The following MTUS2 variants were observed in gnomAD, a reference collection of about 807,000 sequenced individuals.
MTUS2 encodes microtubule-associated tumor suppressor candidate 2.
MTUS2 carries 40 observed loss-of-function variants against 114.1 expected under a neutral mutation model. The ratio of observed to expected loss-of-function variants is 0.35; its 90% CI spans 0.27 to 0.46. The LOEUF (loss-of-function observed/expected upper bound fraction) is 0.46. MTUS2 is among the 20% of genes least tolerant of loss of function. The pLI is 1.00. For missense variants in MTUS2, 1,679 were observed against 1,705.4 expected (o/e 0.98, Z 0.27); for synonymous variants, 688 against 672.0 (o/e 1.02, Z -0.37).
At chr13:29,430,333 T>C (rs1876895753) in intron 8 of MTUS2, among the ~76,000 whole-genome samples, 2 of 152,180 alleles carry the variant, frequency 1.3e-5, no homozygotes, top group Admixed American at 1.3e-4. Context: ...TTTTACATTG[T>C]TTCCCTATTT....
At position 28,829,361 on chromosome 13, in the gene MTUS2, C is replaced by T. The variant is rs866604313; in HGVS notation, c.-316+8750C>T. 1.2e-4 allele frequency among the ~76,000 whole-genome samples: 18 copies of T among 151,748 alleles called. No individual in the cohort carries two copies. The South Asian group carries it at 3.8e-3, about 32-fold the overall frequency. ...GCCAACAAGGTGAAATGCTGTCTCT[C>T]CTAAAAGTACAAAAAAAAAAATTAG... is the stretch of plus-strand genomic sequence containing the variant. On this transcript the variant is annotated intron_variant, in intron 1 of 15. Transcript: ENST00000612955.
chr13:29,283,582 A>T (rs1381643956), intron 6 of MTUS2, among the ~76,000 whole-genome samples: 1 of 152,210 alleles, frequency 6.6e-6, no homozygotes, highest in Non-Finnish European at 1.5e-5. Flanking sequence ...GCTTTAGTGT[A>T]TCAGTGTCAC....
At chr13:29,391,185 G>C (rs887311429) in intron 8 of MTUS2, among the ~76,000 whole-genome samples, 2 of 152,086 alleles carry the variant, frequency 1.3e-5, no homozygotes, top group African/African-American at 4.8e-5. Flanking sequence ...CATGTCCCGG[G>C]TTCAAGTGAT....
chr13:28,887,419 G>A (rs970305173), intron 2 of MTUS2, among the ~76,000 whole-genome samples: 2 of 152,218 alleles, frequency 1.3e-5, no homozygotes, highest in Admixed American at 1.3e-4. Flanking sequence ...GTGAGAGTCT[G>A]CTCTGTGGCA....
chr13:28,962,834 T>TGTG (rs1425745614), intron 2 of MTUS2, among the ~76,000 whole-genome samples: 1 of 152,116 alleles, frequency 6.6e-6, no homozygotes, highest in Non-Finnish European at 1.5e-5. Context: ...ACTGAGTCTG[T>TGTG]GTGGTGCAGT....
At chr13:29,377,952 G>A (rs3125709) in intron 8 of MTUS2, among the ~76,000 whole-genome samples, 147,083 of 152,308 alleles carry the variant, frequency 0.97, 71,233 homozygotes, top group East Asian at 1. Flanking sequence ...ACAAAGAATG[G>A]GCTGTTGGTA....
chr13:28,844,821 G>A (rs1875758225), intron 2 of MTUS2, among the ~76,000 whole-genome samples: 1 of 152,178 alleles, frequency 6.6e-6, no homozygotes, highest in African/African-American at 2.4e-5. Context: ...TTTCACCCAT[G>A]TTGCCCAGGG....
Position 29,026,391 on chromosome 13 carries a change from G to A in MTUS2, c.1693G>A (p.Ala565Thr), listed in dbSNP as rs777823065. The A allele has an allele frequency of 6.2e-7, 1 of 1,613,900 alleles. No homozygotes were observed. The highest frequency in any genetic ancestry group is 1.1e-5 in the South Asian group (1 of 91,070). The stretch of plus-strand genomic sequence containing the variant: ...GGATGTTAGCGTGTTCGGTATGGAT[G>A]CGGGGTCCCCCTTGGTAGTTCCACC... ...FQDVSVFGMD[A>T]GSPLVVPPPT... Residue 565 changes from alanine (A) to threonine (T), a missense_variant, in exon 3 of 16, where the codon GCG becomes ACG. By Grantham distance (58) the Ala-to-Thr change is moderately conservative. This residue lies in a region of MTUS2 where 843 missense variants were observed against 770.8 expected (regional missense o/e 1.09). Transcript: ENST00000612955.
chr13:28,845,145 GA>G (rs1475199470), intron 2 of MTUS2, among the ~76,000 whole-genome samples: 1 of 151,860 alleles, frequency 6.6e-6, no homozygotes, highest in Admixed American at 6.6e-5. Context: ...AATTTTTGTA[GA>G]GATGGCATCT....
intron 2 of MTUS2, among the ~76,000 whole-genome samples, chr13:29,002,844 A>AAATATGCT (rs2138389334): frequency 6.6e-6 from 1 of 152,362 alleles, no homozygotes; most frequent in African/African-American, 2.4e-5. Context: ...ATTGGCTCTT[A>AAATATGCT]AATATGCTTC....
Position 29,433,615 on chromosome 13 carries a change from A to G in MTUS2, c.3118-6368A>G, listed in dbSNP as rs190477215. On this transcript the variant is annotated intron_variant, in intron 8 of 15. Coordinates refer to ENST00000612955, the MANE Select transcript of MTUS2 (RefSeq NM_001033602.4). ...TATGGATCTGGCCAATCTTCATAGT[A>G]TTAGTATTGAAAACGAGTGCGATAG... Among the ~76,000 whole-genome samples the G allele has an allele frequency of 1.8e-3, 276 of 152,360 alleles. 1 individual carries two copies. Among genetic ancestry groups the G allele is most frequent in the Non-Finnish European group, 3.4e-3 (232 of 68,030 alleles).
intron 5 of MTUS2, among the ~76,000 whole-genome samples, chr13:29,110,552 A>G (rs889241693): frequency 1.5e-4 from 23 of 152,348 alleles, no homozygotes; most frequent in Admixed American, 1.3e-3. Context: ...TACAAGAAAA[A>G]AAATGGAATC....
intron 5 of MTUS2, among the ~76,000 whole-genome samples, chr13:29,169,376 A>G (rs999544842): frequency 1.3e-5 from 2 of 152,166 alleles, no homozygotes; most frequent in African/African-American, 4.8e-5. Flanking sequence ...AAAAATAAAA[A>G]ATATAGTTGT....
At chr13:29,167,897 T>C (rs1053831343) in intron 5 of MTUS2, among the ~76,000 whole-genome samples, 16 of 152,320 alleles carry the variant, frequency 1.1e-4, no homozygotes, top group Admixed American at 9.1e-4. Flanking sequence ...ATTATTCATG[T>C]ATGCATAATA....
intron 2 of MTUS2, among the ~76,000 whole-genome samples, chr13:28,881,670 C>A (rs746110095): frequency 8.5e-5 from 13 of 152,098 alleles, no homozygotes; most frequent in Non-Finnish European, 1.5e-5. Flanking sequence ...AATAGCCATT[C>A]TGACTATTTA....
chr13:29,253,626 G>T (rs1897200696), intron 5 of MTUS2, among the ~76,000 whole-genome samples: 1 of 152,012 alleles, frequency 6.6e-6, no homozygotes, highest in South Asian at 2.1e-4. Context: ...AAAATAGACA[G>T]AATTCCTGGA....
intron 9 of MTUS2, among the ~76,000 whole-genome samples, chr13:29,460,429 G>A (rs758462149): frequency 6.6e-6 from 1 of 152,034 alleles, no homozygotes; most frequent in Non-Finnish European, 1.5e-5. Flanking sequence ...GCAGGCATCA[G>A]CAACTTGTTC....
Position 29,480,056 on chromosome 13 carries a change from T to G in MTUS2, c.3185-94T>G, listed in dbSNP as rs1202036627. On this transcript the variant is annotated intron_variant, in intron 9 of 15. Transcript: ENST00000612955. The surrounding 1 kb of genome is among the most constrained non-coding windows in gnomAD (Gnocchi z 4.4). ...AGTCAGAGGACCTCGCCCTGTTTATTACGCCAGCCTTGATGATCTGACCAT... is the reference window on the plus strand; with the variant it reads ...AGTCAGAGGACCTCGCCCTGTTTATGACGCCAGCCTTGATGATCTGACCAT... The G allele has an allele frequency of 1.5e-6, 2 of 1,307,806 alleles. No individual in the cohort carries two copies. The highest frequency in any genetic ancestry group is 3.0e-5 in the African/African-American group (2 of 67,670). 81.0% of individuals were successfully genotyped at this position (1,307,806 alleles called of 1,614,324 possible).
intron 9 of MTUS2, among the ~76,000 whole-genome samples, chr13:29,452,432 G>A (rs769048202): frequency 4.6e-5 from 7 of 151,984 alleles, no homozygotes; most frequent in Non-Finnish European, 1.0e-4. Context: ...TTTTGAGACA[G>A]AGCCTTGCTC....
Sources: gnomAD v4.1 joint callset for allele counts (sites outside exome capture counted in the v4.1 genomes callset) on GRCh38, gnomAD v4.1.1 for gene constraint, gnomAD v4.1.1 regional missense constraint, Gnocchi (gnomAD v3.1) non-coding constraint, MANE v1.5 for transcripts, NCBI Gene and HGNC (gene_info 2026-07-23, HGNC 2026-07-21) for gene names.